STX8: variants seen among roughly 807,000 people sequenced by gnomAD.
STX8 encodes the protein syntaxin 8, also known as syntaxin-8.
Under a neutral mutation model 37.5 loss-of-function variants are expected in STX8, and 23 were observed. The ratio of observed to expected loss-of-function variants is 0.61; its 90% CI spans 0.44 to 0.87. The LOEUF is 0.87. Ranked by LOEUF, STX8 falls within the 40% of genes least tolerant of loss-of-function variation. The pLI is 0.00. For missense variants in STX8, 313 were observed against 284.7 expected (o/e 1.10, Z -0.71); for synonymous variants, 115 against 99.1 (o/e 1.16, Z -0.95).
chr17:9,340,095 C>T (rs575821936), intron 7 of STX8, among the ~76,000 whole-genome samples: 10 of 152,342 alleles, frequency 6.6e-5, no homozygotes, highest in Non-Finnish European at 1.5e-4. Flanking sequence ...TGAAAGATGA[C>T]CATGTCACAG....
intron 6 of STX8, among the ~76,000 whole-genome samples, chr17:9,402,373 G>A (rs957682920): frequency 7.9e-5 from 12 of 151,974 alleles, no homozygotes; most frequent in East Asian, 1.9e-4. Flanking sequence ...TGCCCGCCTC[G>A]GCCTCCCAAA....
intron 7 of STX8, among the ~76,000 whole-genome samples, chr17:9,283,603 T>C (rs1368519812): frequency 6.6e-6 from 1 of 152,174 alleles, no homozygotes; most frequent in African/African-American, 2.4e-5. Context: ...GGTTAAAGTA[T>C]AAACTCAAGA....
intron 6 of STX8, among the ~76,000 whole-genome samples, chr17:9,389,216 G>A (rs924809860): frequency 6.6e-6 from 1 of 152,230 alleles, no homozygotes; most frequent in Non-Finnish European, 1.5e-5. Flanking sequence ...CTAGGCCAGA[G>A]AGCCTTGGGG....
At chr17:9,385,507 A>G (rs1433621109) in intron 6 of STX8, among the ~76,000 whole-genome samples, 1 of 152,226 alleles carries the variant, frequency 6.6e-6, no homozygotes, top group African/African-American at 2.4e-5. Flanking sequence ...AAAGATCTGA[A>G]CAGATGTTTT....
chr17:9,315,165 A>G (rs553713881), intron 7 of STX8, among the ~76,000 whole-genome samples: 1 of 151,934 alleles, frequency 6.6e-6, no homozygotes, highest in South Asian at 2.1e-4. Context: ...ACAAAAACAA[A>G]AACAAAAAAC....
chr17:9,414,062 C>T (rs1913077246), intron 6 of STX8, among the ~76,000 whole-genome samples: 12 of 132,552 alleles, frequency 9.1e-5, no homozygotes, highest in Non-Finnish European at 1.3e-4. Context: ...GTCTGTCCAT[C>T]CATCCATCCA....
chr17:9,426,945 T>A (rs906420208), intron 6 of STX8, among the ~76,000 whole-genome samples: 4 of 152,130 alleles, frequency 2.6e-5, no homozygotes, highest in Admixed American at 6.5e-5. Flanking sequence ...GTGTATCTCT[T>A]ACTAGTTAAG....
Position 9,288,675 on chromosome 17 carries a change from A to AAAATAAAT in STX8, c.644-38038_644-38031dup, listed in dbSNP as rs560148486. On this transcript the variant is annotated intron_variant, in intron 7 of 7. Coordinates refer to ENST00000306357, the MANE Select transcript of STX8 (RefSeq NM_004853.3). ...AGACTCCGTCTCGAAATAAATAAAT[A>AAAATAAAT]AAATAAATAAATAAATAAATAAATA... Among the ~76,000 whole-genome samples the AAAATAAAT allele has an allele frequency of 2.7e-3, 405 of 151,034 alleles. 1 individual carries two copies. The highest frequency in any genetic ancestry group is 9.3e-3 in the African/African-American group (384 of 41,186).
At chr17:9,293,820 G>A (rs906688557) in intron 7 of STX8, among the ~76,000 whole-genome samples, 3 of 151,226 alleles carry the variant, frequency 2.0e-5, no homozygotes, top group Admixed American at 1.3e-4. Context: ...GGAGTGCAGC[G>A]GCACGATCTT....
chr17:9,293,876 C>G (rs978401150), intron 7 of STX8, among the ~76,000 whole-genome samples: 2 of 151,850 alleles, frequency 1.3e-5, no homozygotes, highest in Non-Finnish European at 2.9e-5. Flanking sequence ...ATTCTGCTGT[C>G]TCAGCCTCCC....
intron 4 of STX8, among the ~76,000 whole-genome samples, chr17:9,526,893 T>C (rs1905595353): frequency 6.7e-6 from 1 of 150,352 alleles, no homozygotes; most frequent in African/African-American, 2.4e-5. Context: ...AAAAGTAACG[T>C]AATGAGGCCA....
intron 7 of STX8, among the ~76,000 whole-genome samples, chr17:9,377,211 G>A (rs536134699): frequency 1.3e-5 from 2 of 152,242 alleles, no homozygotes; most frequent in East Asian, 3.9e-4. Flanking sequence ...CAGATGGAGA[G>A]GATCCATTAC....
At chr17:9,397,241 C>T (rs528800926) in intron 6 of STX8, among the ~76,000 whole-genome samples, 5 of 152,160 alleles carry the variant, frequency 3.3e-5, no homozygotes, top group African/African-American at 1.2e-4. Context: ...ACTAAAAATA[C>T]AAAAATTAGC....
intron 6 of STX8, among the ~76,000 whole-genome samples, chr17:9,454,447 G>C (rs1302697931): frequency 6.6e-6 from 1 of 152,196 alleles, no homozygotes. Context: ...GGGAGGCCGA[G>C]GCGGGCAGAT....
chr17:9,566,979 G>A (rs536660231), intron 2 of STX8, among the ~76,000 whole-genome samples: 1 of 152,298 alleles, frequency 6.6e-6, no homozygotes, highest in African/African-American at 2.4e-5. Flanking sequence ...GCAGGAACAT[G>A]AATGGAGCTG....
intron 7 of STX8, among the ~76,000 whole-genome samples, chr17:9,296,170 A>G (rs1192639416): frequency 6.6e-6 from 1 of 151,498 alleles, no homozygotes; most frequent in Admixed American, 6.6e-5. Flanking sequence ...AGCCTGGGAG[A>G]CAGAGTGAGA....
At chr17:9,333,346 T>C (rs185617869) in intron 7 of STX8, among the ~76,000 whole-genome samples, 4 of 152,282 alleles carry the variant, frequency 2.6e-5, no homozygotes. Context: ...TGAGAACACA[T>C]GGTATTTGGT....
chr17:9,543,322 C>A (rs1212063552), intron 4 of STX8, among the ~76,000 whole-genome samples: 1 of 146,178 alleles, frequency 6.8e-6, no homozygotes, highest in Non-Finnish European at 1.5e-5. Flanking sequence ...GAGACGGAGT[C>A]TTGCTCTGTC....
At chr17:9,391,863 G>T (rs1420116773) in intron 6 of STX8, among the ~76,000 whole-genome samples, 1 of 152,158 alleles carries the variant, frequency 6.6e-6, no homozygotes, top group African/African-American at 2.4e-5. Flanking sequence ...AGACTGGGAG[G>T]AGCTTAGAAA....
Sources: gnomAD v4.1 joint callset for allele counts (sites outside exome capture counted in the v4.1 genomes callset) on GRCh38, gnomAD v4.1.1 for gene constraint, MANE v1.5 for transcripts, NCBI Gene and HGNC (gene_info 2026-07-23, HGNC 2026-07-21) for gene names.